The following RANBP17 variants were observed in gnomAD, a reference collection of about 807,000 sequenced individuals.
RANBP17 encodes the protein RAN binding protein 17, also known as ran-binding protein 17.
RANBP17 carries 158 observed loss-of-function variants against 141.2 expected under a neutral mutation model. The ratio of observed to expected loss-of-function variants is 1.12; its 90% CI spans 0.98 to 1.28. RANBP17 has a LOEUF of 1.28. Among genes scored for constraint, RANBP17 ranks in the 50% most tolerant of loss-of-function variants. RANBP17 has a pLI of 0.00. For missense variants in RANBP17, 1,438 were observed against 1,290.7 expected, an observed-to-expected ratio of 1.11 and a Z score of -1.75; for synonymous variants, 430 against 450.0, an observed-to-expected ratio of 0.96 and a Z score of 0.56.
intron 12 of RANBP17, among the ~76,000 whole-genome samples, chr5:170,940,537 T>C (rs909080301): frequency 2.0e-5 from 3 of 152,116 alleles, no homozygotes; most frequent in African/African-American, 7.2e-5. Flanking sequence ...AGATCAGGGG[T>C]ACTCAACCTG....
In RANBP17 at chr5:170,952,917, A is replaced by G. The variant is rs1300124480; in HGVS notation, c.1469-680A>G. Among the ~76,000 whole-genome samples the G allele has an allele frequency of 3.9e-5, 6 of 152,230 alleles. No homozygotes were observed. In the East Asian group the frequency reaches 9.6e-4, roughly 24 times the overall value. ...CTCCATTTCTAAATTAGTCAATTTC[A>G]GCTGCCCCCAAAGTAAGATTTATGA... On this transcript the variant is annotated intron_variant, in intron 12 of 27. Coordinates refer to ENST00000523189, the MANE Select transcript of RANBP17 (RefSeq NM_022897.5).
intron 27 of RANBP17, among the ~76,000 whole-genome samples, chr5:171,298,243 G>T (rs1344564466): frequency 6.6e-6 from 1 of 152,012 alleles, no homozygotes; most frequent in Non-Finnish European, 1.5e-5. Context: ...CAATATCACC[G>T]GACTCATAAG....
intron 14 of RANBP17, among the ~76,000 whole-genome samples, chr5:171,003,234 CAGTT>C (rs1353631241): frequency 1.3e-5 from 2 of 152,240 alleles, no homozygotes; most frequent in Middle Eastern, 3.4e-3. Context: ...GTAATGAAAA[CAGTT>C]AGGATGAGTC....
At chr5:170,982,280 T>C (rs1777826435) in intron 14 of RANBP17, among the ~76,000 whole-genome samples, 1 of 152,114 alleles carries the variant, frequency 6.6e-6, no homozygotes, top group South Asian at 2.1e-4. Context: ...GACCCTACAG[T>C]GAGGTTTACT....
chr5:171,180,121 A>C (rs1486864386), intron 16 of RANBP17, among the ~76,000 whole-genome samples: 1 of 152,214 alleles, frequency 6.6e-6, no homozygotes, highest in Non-Finnish European at 1.5e-5. Context: ...GCCAGACTAT[A>C]GAGTTTGCTC....
intron 14 of RANBP17, among the ~76,000 whole-genome samples, chr5:171,018,594 G>A (rs917958298): frequency 1.3e-5 from 2 of 152,124 alleles, no homozygotes; most frequent in African/African-American, 4.8e-5. Context: ...TGTGATTTTT[G>A]CACATTGATT....
intron 14 of RANBP17, among the ~76,000 whole-genome samples, chr5:171,161,997 T>G (rs1054566195): frequency 3.3e-5 from 5 of 152,218 alleles, no homozygotes; most frequent in Non-Finnish European, 7.3e-5. Context: ...AATCGTCATC[T>G]TATAAACTTG....
At chr5:171,266,951 A>C in intron 25 of RANBP17, among the ~76,000 whole-genome samples, 1 of 152,016 alleles carries the variant, frequency 6.6e-6, no homozygotes, top group South Asian at 2.1e-4. Context: ...ATTTTTAAAA[A>C]AACATACATG....
At chr5:170,933,228 G>C (rs141165839) in intron 12 of RANBP17, among the ~76,000 whole-genome samples, 1 of 152,116 alleles carries the variant, frequency 6.6e-6, no homozygotes. Flanking sequence ...TCTGATGGTA[G>C]TCTGCATTTC....
At chr5:171,253,060 A>G in intron 24 of RANBP17, 3 of 890,654 alleles carry the variant, frequency 3.4e-6, no homozygotes, top group South Asian at 2.8e-5. Flanking sequence ...TCAAGCACTG[A>G]TTTTTCAAGA....
chr5:171,144,729 C>G (rs1409385170), intron 14 of RANBP17, among the ~76,000 whole-genome samples: 1 of 152,052 alleles, frequency 6.6e-6, no homozygotes, highest in East Asian at 1.9e-4. Context: ...CTGTGAAATC[C>G]CTTTTTGTGT....
In RANBP17 at chr5:170,919,536, C is replaced by T; in HGVS notation, c.1197C>T (p.His399=). Residue 399 remains histidine (H), a synonymous_variant, in exon 11 of 28, where the codon CAC becomes CAT. Transcript: ENST00000523189. ...SVPFVKSTEP[H]LLDTYAPEIT... is the part of the protein sequence containing the mutation. ...CTTTTGTGAAATCAACTGAACCCCA[C>T]CTATTAGACACTTATGCACCAGAAA... is the stretch of plus-strand genomic sequence containing the variant. 6.2e-7 allele frequency: 1 copy of T among 1,611,986 alleles called. No individual in the cohort carries two copies. The highest frequency in any genetic ancestry group is 8.5e-7 in the Non-Finnish European group (1 of 1,179,016).
intron 14 of RANBP17, among the ~76,000 whole-genome samples, chr5:171,021,406 AC>A (rs1780846869): frequency 6.6e-6 from 1 of 152,174 alleles, no homozygotes; most frequent in Admixed American, 6.5e-5. Flanking sequence ...TTTCAGGTAC[AC>A]CAATCAAACG....
At chr5:171,250,674 G>A (rs1229573537) in intron 24 of RANBP17, among the ~76,000 whole-genome samples, 1 of 151,986 alleles carries the variant, frequency 6.6e-6, no homozygotes, top group Non-Finnish European at 1.5e-5. Context: ...AAAAACAAAA[G>A]CGAACAGGAA....
At position 171,025,093 on chromosome 5, in the gene RANBP17, A is replaced by G. The variant is rs891500066; in HGVS notation, c.1710+56716A>G. ...ACCAATCAGTCATTAAGACCTTTCA[A>G]AATTCCCCCTTCTATGTATTTGATT... On this transcript the variant is annotated intron_variant, in intron 14 of 27. Transcript: ENST00000523189. 3.3e-5 allele frequency among the ~76,000 whole-genome samples: 5 copies of G among 152,114 alleles called. No individual in the cohort carries two copies. In the East Asian group the frequency reaches 7.7e-4, roughly 23 times the overall value.
intron 21 of RANBP17, among the ~76,000 whole-genome samples, chr5:171,214,663 A>AT (rs1302681957): frequency 6.6e-6 from 1 of 151,956 alleles, no homozygotes; most frequent in African/African-American, 2.4e-5. Context: ...TGTGTGTATC[A>AT]TTTTTTTTAA....
chr5:170,917,719 A>G (rs935084906), intron 9 of RANBP17, among the ~76,000 whole-genome samples: 3 of 152,134 alleles, frequency 2.0e-5, no homozygotes, highest in Non-Finnish European at 4.4e-5. Flanking sequence ...TAAAATGTTT[A>G]GTTGTTTAAC....
intron 14 of RANBP17, among the ~76,000 whole-genome samples, chr5:170,985,378 T>G (rs998443992): frequency 2.0e-5 from 3 of 152,186 alleles, no homozygotes; most frequent in African/African-American, 7.2e-5. Flanking sequence ...CCATAAACAG[T>G]GATACTGATC....
chr5:170,988,578 A>G (rs1213327430), intron 14 of RANBP17, among the ~76,000 whole-genome samples: 1 of 151,632 alleles, frequency 6.6e-6, no homozygotes, highest in African/African-American at 2.4e-5. Context: ...TTTAATAGTC[A>G]TTGGATCTTG....
Sources: allele counts gnomAD v4.1 joint callset (sites outside exome capture counted in the v4.1 genomes callset), GRCh38; gene constraint gnomAD v4.1.1; transcripts MANE v1.5; gene names NCBI Gene and HGNC (gene_info 2026-07-23, HGNC 2026-07-21).